Variants in KIAA1217 observed in about 807,000 individuals in gnomAD.
KIAA1217 encodes sickle tail protein homolog.
In KIAA1217, 88 loss-of-function variants were observed where a neutral mutation model predicts 163.9. The observed-to-expected ratio is 0.54, with a 90% CI of 0.45 to 0.64. The LOEUF (loss-of-function observed/expected upper bound fraction) is 0.64. KIAA1217 is among the 30% of genes least tolerant of loss of function. KIAA1217 has a pLI of 0.00. For synonymous variants in KIAA1217, 903 were observed against 923.1 expected (o/e 0.98, Z 0.39); for missense variants, 2,372 against 2,475.0 (o/e 0.96, Z 0.88).
chr10:23,830,718 G>GC (rs1838149681), intron 1 of KIAA1217, among the ~76,000 whole-genome samples: 1 of 149,088 alleles, frequency 6.7e-6, no homozygotes, highest in Non-Finnish European at 1.5e-5. Flanking sequence ...AGATAGATAG[G>GC]TAGATAGATA....
intron 2 of KIAA1217, among the ~76,000 whole-genome samples, chr10:24,247,124 CT>C (rs10648557): frequency 1.8e-4 from 25 of 138,288 alleles, no homozygotes; most frequent in South Asian, 2.3e-4. Context: ...ATTTTCTTTT[CT>C]TTTTTTTTTT....
chr10:24,492,353 A>G (rs1235335500), intron 6 of KIAA1217, among the ~76,000 whole-genome samples: 1 of 152,206 alleles, frequency 6.6e-6, no homozygotes, highest in African/African-American at 2.4e-5. Flanking sequence ...GAGGGTTGCC[A>G]AGGTATGACT....
chr10:23,899,118 A>G (rs919240876), intron 1 of KIAA1217, among the ~76,000 whole-genome samples: 1 of 152,054 alleles, frequency 6.6e-6, no homozygotes, highest in Non-Finnish European at 1.5e-5. Context: ...TCTATAATCA[A>G]TGCCCATGGA....
chr10:23,767,378 C>T (rs12772942), intron 1 of KIAA1217, among the ~76,000 whole-genome samples: 3 of 152,070 alleles, frequency 2.0e-5, no homozygotes, highest in Non-Finnish European at 4.4e-5. Flanking sequence ...TGCTGAGGCT[C>T]TTGGTTGCAA....
At chr10:24,418,290 T>G (rs1341983812) in intron 3 of KIAA1217, among the ~76,000 whole-genome samples, 1 of 152,122 alleles carries the variant, frequency 6.6e-6, no homozygotes, top group African/African-American at 2.4e-5. Flanking sequence ...TGGAAAGTAG[T>G]TTATCCTGGA....
chr10:23,797,147 ATTGTC>A (rs1158186550), intron 1 of KIAA1217, among the ~76,000 whole-genome samples: 1 of 152,116 alleles, frequency 6.6e-6, no homozygotes, highest in Non-Finnish European at 1.5e-5. Flanking sequence ...TAATACAAAT[ATTGTC>A]CATAGTGTTA....
chr10:24,312,609 C>T (rs980998528), intron 2 of KIAA1217, among the ~76,000 whole-genome samples: 1 of 151,992 alleles, frequency 6.6e-6, no homozygotes, highest in African/African-American at 2.4e-5. Context: ...CAGAATGAGA[C>T]TCCATTTCAA....
intron 1 of KIAA1217, among the ~76,000 whole-genome samples, chr10:23,704,368 A>T (rs1180823370): frequency 2.6e-5 from 4 of 151,424 alleles, no homozygotes; most frequent in Admixed American, 1.3e-4. Context: ...CAAATTTATA[A>T]GGTCATGCAA....
At chr10:23,880,505 A>G (rs540261734) in intron 1 of KIAA1217, among the ~76,000 whole-genome samples, 4 of 152,022 alleles carry the variant, frequency 2.6e-5, no homozygotes, top group African/African-American at 7.2e-5. Flanking sequence ...TACAAAAAAT[A>G]TTTAGAAAGA....
intron 2 of KIAA1217, among the ~76,000 whole-genome samples, chr10:24,199,625 G>A (rs943855637): frequency 3.3e-5 from 5 of 152,180 alleles, no homozygotes; most frequent in African/African-American, 7.2e-5. Context: ...ACTGTTTTAT[G>A]TGCAACCAAT....
chr10:23,731,036 G>A (rs1370923586), intron 1 of KIAA1217, among the ~76,000 whole-genome samples: 4 of 152,254 alleles, frequency 2.6e-5, no homozygotes, highest in African/African-American at 9.6e-5. Flanking sequence ...ATGTTGAAAA[G>A]GGGTGATAAG....
chr10:24,319,088 C>T (rs532350485), intron 2 of KIAA1217, among the ~76,000 whole-genome samples: 6 of 152,126 alleles, frequency 3.9e-5, no homozygotes, highest in East Asian at 3.9e-4. Context: ...GCTGAAGAAG[C>T]GCTTTGGGGC....
intron 2 of KIAA1217, among the ~76,000 whole-genome samples, chr10:24,126,379 T>C (rs1354718528): frequency 2.0e-5 from 3 of 152,210 alleles, no homozygotes; most frequent in African/African-American, 7.2e-5. Flanking sequence ...ATTTTTCTTT[T>C]CATATAGTAT....
At chr10:23,724,926 A>T in intron 1 of KIAA1217, among the ~76,000 whole-genome samples, 1 of 151,968 alleles carries the variant, frequency 6.6e-6, no homozygotes, top group East Asian at 1.9e-4. Context: ...CTGGTCCATG[A>T]CTCTGGCTTT....
intron 2 of KIAA1217, among the ~76,000 whole-genome samples, chr10:24,187,043 C>T (rs1401213929): frequency 6.6e-6 from 1 of 152,124 alleles, no homozygotes; most frequent in Non-Finnish European, 1.5e-5. Flanking sequence ...TCCAACGGTG[C>T]CTCATTTTTA....
rs370376460 is a variant in KIAA1217, at chr10:23,785,235, T to C, written c.-321+90001T>C. ...CACCCAGAAGTTCCCAGATGCGCCATAGGGCCCCAGACCCTTTGCTTGGAG... is the reference window on the plus strand; with the variant it reads ...CACCCAGAAGTTCCCAGATGCGCCACAGGGCCCCAGACCCTTTGCTTGGAG... On this transcript the variant is annotated intron_variant, in intron 1 of 18. Coordinates refer to the KIAA1217 transcript ENST00000376462. Among the ~76,000 whole-genome samples, 91 of 152,250 alleles carry C rather than the reference T, an allele frequency of 6.0e-4. 1 individual carries two copies. The South Asian group carries it at 0.017, about 28-fold the overall frequency.
At chr10:24,151,985 T>C (rs138306083) in intron 2 of KIAA1217, among the ~76,000 whole-genome samples, 44 of 152,296 alleles carry the variant, frequency 2.9e-4, no homozygotes, top group African/African-American at 1.1e-3. Flanking sequence ...AAAGGTAAGT[T>C]TCTTGTTGTT....
chr10:23,822,754 A>G (rs7904144), intron 1 of KIAA1217, among the ~76,000 whole-genome samples: 37,786 of 152,032 alleles, frequency 0.25, 4,850 homozygotes, highest in Middle Eastern at 0.33. Context: ...GGTATTTAGC[A>G]CAGAGTTTTT....
chr10:23,828,410 T>A (rs1362214605), intron 1 of KIAA1217, among the ~76,000 whole-genome samples: 1 of 151,858 alleles, frequency 6.6e-6, no homozygotes, highest in Non-Finnish European at 1.5e-5. Flanking sequence ...GGCATGGGAG[T>A]TGTTTCAGAC....
Sources: gnomAD v4.1 joint callset for allele counts (sites outside exome capture counted in the v4.1 genomes callset) on GRCh38, gnomAD v4.1.1 for gene constraint, MANE v1.5 for transcripts, NCBI Gene and HGNC (gene_info 2026-07-23, HGNC 2026-07-21) for gene names.